Variants in OLA1 observed in about 807,000 individuals in gnomAD.
The protein encoded by OLA1 is Obg like ATPase 1, also known as obg-like ATPase 1.
In OLA1, 14 loss-of-function variants were observed where a neutral mutation model predicts 48.4. That is an observed-to-expected ratio of 0.29 (90% confidence interval 0.19 to 0.45). The LOEUF (loss-of-function observed/expected upper bound fraction) is 0.45, where lower values mean the gene tolerates loss of function less well. OLA1 is among the 20% of genes least tolerant of loss of function. The probability of loss-of-function intolerance (pLI) is 1.00; values close to 1 mark genes in which losing one functional copy is unlikely to be tolerated. For missense variants in OLA1, 325 were observed against 467.1 expected (o/e 0.70, Z 2.80); for synonymous variants, 127 against 150.4 (o/e 0.84, Z 1.14).
chr2:174,132,779 T>C (rs1470431658), intron 5 of OLA1, among the ~76,000 whole-genome samples: 1 of 152,178 alleles, frequency 6.6e-6, no homozygotes, highest in Non-Finnish European at 1.5e-5. Flanking sequence ...TGGTAAATGT[T>C]CCATTTGTAC....
At chr2:174,214,201 T>C (rs1446637046) in intron 4 of OLA1, among the ~76,000 whole-genome samples, 2 of 151,964 alleles carry the variant, frequency 1.3e-5, no homozygotes, top group South Asian at 4.2e-4. Context: ...GGCGTGGTGG[T>C]GCACACCTGT....
At chr2:174,211,947 G>A (rs1025138849) in intron 4 of OLA1, among the ~76,000 whole-genome samples, 11 of 152,106 alleles carry the variant, frequency 7.2e-5, no homozygotes, top group African/African-American at 2.4e-4. Flanking sequence ...AATTACATAT[G>A]TAGCTCACAT....
chr2:174,109,341 T>C (rs1166599347), intron 7 of OLA1, among the ~76,000 whole-genome samples: 1 of 152,192 alleles, frequency 6.6e-6, no homozygotes, highest in African/African-American at 2.4e-5. Flanking sequence ...TATAGCAAGT[T>C]GTACTAAAAC....
At chr2:174,099,039 T>C (rs561765337) in intron 7 of OLA1, among the ~76,000 whole-genome samples, 62 of 152,228 alleles carry the variant, frequency 4.1e-4, no homozygotes, top group Non-Finnish European at 7.8e-4. Flanking sequence ...TGCTGAGTGA[T>C]CACCCTGCAG....
intron 7 of OLA1, among the ~76,000 whole-genome samples, chr2:174,093,548 G>A (rs1312169768): frequency 6.6e-6 from 1 of 151,408 alleles, no homozygotes; most frequent in Admixed American, 6.6e-5. Flanking sequence ...CTAAATTTAC[G>A]ATCTCTAGAA....
At chr2:174,148,752 C>T (rs1686673981) in intron 4 of OLA1, among the ~76,000 whole-genome samples, 2 of 152,178 alleles carry the variant, frequency 1.3e-5, no homozygotes, top group South Asian at 4.1e-4. Flanking sequence ...ACTAACTTTT[C>T]CTTCTTCCCA....
At chr2:174,111,284 C>A (rs1685642825) in intron 7 of OLA1, among the ~76,000 whole-genome samples, 1 of 152,136 alleles carries the variant, frequency 6.6e-6, no homozygotes, top group African/African-American at 2.4e-5. Context: ...AGGATACAAA[C>A]AACATAAAAA....
chr2:174,125,218 A>C (rs1223145027), intron 5 of OLA1, among the ~76,000 whole-genome samples: 2 of 152,204 alleles, frequency 1.3e-5, no homozygotes, highest in East Asian at 3.8e-4. Flanking sequence ...AGTAATGTAG[A>C]CCATTTTTAT....
At chr2:174,155,294 C>A (rs1686847915) in intron 4 of OLA1, among the ~76,000 whole-genome samples, 2 of 152,098 alleles carry the variant, frequency 1.3e-5, no homozygotes, top group African/African-American at 4.8e-5. Flanking sequence ...AAGAAGGAAT[C>A]AATGAATGAA....
chr2:174,181,535 G>A (rs1028374677), intron 4 of OLA1, among the ~76,000 whole-genome samples: 1 of 152,168 alleles, frequency 6.6e-6, no homozygotes. Context: ...ATATGACAGA[G>A]GGAAGCAGAT....
intron 4 of OLA1, among the ~76,000 whole-genome samples, chr2:174,219,555 G>A (rs1688451792): frequency 6.7e-6 from 1 of 150,054 alleles, no homozygotes; most frequent in Non-Finnish European, 1.5e-5. Flanking sequence ...CCAGCCTCGA[G>A]TAGCTGAGAC....
At chr2:174,185,383 G>A (rs1687635541) in intron 4 of OLA1, among the ~76,000 whole-genome samples, 1 of 152,062 alleles carries the variant, frequency 6.6e-6, no homozygotes, top group Admixed American at 6.6e-5. Context: ...AAGAAGGAGA[G>A]CATGGATTAT....
chr2:174,245,396 C>T (rs114669549), intron 2 of OLA1, among the ~76,000 whole-genome samples: 325 of 152,280 alleles, frequency 2.1e-3, no homozygotes, highest in African/African-American at 7.5e-3. Context: ...CACTTGGTCA[C>T]GCCATGCTCT....
chr2:174,209,364 T>C (rs1221225975), intron 4 of OLA1, among the ~76,000 whole-genome samples: 2 of 152,330 alleles, frequency 1.3e-5, no homozygotes, highest in Non-Finnish European at 1.5e-5. Flanking sequence ...ACTAATTTTA[T>C]ATACCATTCA....
intron 7 of OLA1, among the ~76,000 whole-genome samples, chr2:174,100,746 G>A (rs1685374073): frequency 6.6e-6 from 1 of 152,104 alleles, no homozygotes; most frequent in Non-Finnish European, 1.5e-5. Flanking sequence ...AATGAGTTTT[G>A]AAAATTTTAT....
chr2:174,115,348 T>C (rs971043071), intron 7 of OLA1, among the ~76,000 whole-genome samples: 6 of 152,146 alleles, frequency 3.9e-5, no homozygotes, highest in African/African-American at 1.4e-4. Flanking sequence ...TAGACAAGCA[T>C]GGAAAAGGAA....
chr2:174,077,266 A>G (rs77201991), intron 10 of OLA1, among the ~76,000 whole-genome samples: 252 of 152,302 alleles, frequency 1.7e-3, no homozygotes, highest in African/African-American at 5.8e-3. Flanking sequence ...TATTCAGTAT[A>G]TAGTTCACAG....
intron 4 of OLA1, among the ~76,000 whole-genome samples, chr2:174,181,670 C>G (rs926371443): frequency 1.3e-5 from 2 of 152,164 alleles, no homozygotes; most frequent in African/African-American, 2.4e-5. Context: ...GCAGGCCTCA[C>G]TCAGCTTCAC....
chr2:174,128,113 C>G (rs1036166626), intron 5 of OLA1, among the ~76,000 whole-genome samples: 17 of 151,948 alleles, frequency 1.1e-4, no homozygotes, highest in African/African-American at 3.9e-4. Flanking sequence ...ATCTAAAAAG[C>G]CAGGCATGGT....
Sources: gnomAD v4.1 joint callset for allele counts (sites outside exome capture counted in the v4.1 genomes callset) on GRCh38, gnomAD v4.1.1 for gene constraint, MANE v1.5 for transcripts, NCBI Gene and HGNC (gene_info 2026-07-23, HGNC 2026-07-21) for gene names.